The following FER variants were observed in gnomAD, a reference collection of about 807,000 sequenced individuals.
The protein encoded by FER is tyrosine-protein kinase Fer.
A neutral mutation model predicts 111.0 loss-of-function variants in FER; 63 were observed. That is an observed-to-expected ratio of 0.57 (90% CI 0.46 to 0.70). The LOEUF is 0.70. Ranked by LOEUF, FER falls within the 30% of genes least tolerant of loss-of-function variation. FER has a pLI of 0.00. For synonymous variants in FER, 327 were observed against 313.9 expected (o/e 1.04, Z -0.44); for missense variants, 914 against 954.0 (o/e 0.96, Z 0.55).
intron 17 of FER, among the ~76,000 whole-genome samples, chr5:109,153,418 T>A (rs1257435310): frequency 6.6e-6 from 1 of 151,870 alleles, no homozygotes; most frequent in East Asian, 1.9e-4. Context: ...AAATGCCTTA[T>A]TTTACAACAG....
chr5:108,897,737 A>G lies in FER; in HGVS notation c.1125A>G (p.Ala375=). 1 of 1,613,714 alleles carries G rather than the reference A, an allele frequency of 6.2e-7. No homozygotes were observed. Residue 375 remains alanine, a synonymous_variant, in exon 10 of 20, where the codon GCA becomes GCG. Coordinates refer to ENST00000281092, the MANE Select transcript of FER (RefSeq NM_005246.4). The part of the protein sequence containing the change: ...QSVQQLRCTE[A]KFSAQKELLE... Reference sequence around the variant, plus strand: ...TCCAGCAGCTGAGATGCACTGAAGCAAAGTTTTCAGCACAGAAGGAATTAC... The same window carrying G: ...TCCAGCAGCTGAGATGCACTGAAGCGAAGTTTTCAGCACAGAAGGAATTAC...
At chr5:109,182,836 C>G (rs1758420286) in intron 18 of FER, among the ~76,000 whole-genome samples, 1 of 152,244 alleles carries the variant, frequency 6.6e-6, no homozygotes, top group South Asian at 2.1e-4. Flanking sequence ...AAGGACAAGT[C>G]AAGTCTAAAG....
chr5:109,058,724 C>CTTTTTTTTTTTTT lies in FER; in HGVS notation c.1924+11540_1924+11552dup, dbSNP rs746184286. ...TCTTTTTCTTTTTCTTTCTTTCTTT[C>CTTTTTTTTTTTTT]TTTTTTTTTTTTTTTTTTTTTTTTT... On this transcript the variant is annotated intron_variant, in intron 16 of 19. Transcript: ENST00000281092. 1.5e-3 allele frequency among the ~76,000 whole-genome samples: 116 copies of CTTTTTTTTTTTTT among 76,250 alleles called. 6 individuals carry two copies. The highest frequency in any genetic ancestry group is 2.8e-3 in the African/African-American group (48 of 17,114). 50.0% of individuals were successfully genotyped at this position (76,250 alleles called of 152,430 possible). A position where few individuals can be genotyped will look rare whatever the true frequency, so the allele number is the denominator to read the frequency against.
rs1178206742 is a variant in FER at position 108,844,996 on chromosome 5, GTATATATATATATATATATATATATATA to G, written c.481+9206_481+9233del. 7.5e-3 allele frequency among the ~76,000 whole-genome samples: 219 copies of G among 29,296 alleles called. 7 individuals carry two copies. The highest frequency in any genetic ancestry group is 0.026 in the Admixed American group (44 of 1,668). 19.2% of individuals were successfully genotyped at this position (29,296 alleles called of 152,430 possible). A position where few individuals can be genotyped will look rare whatever the true frequency, so the allele number is the denominator to read the frequency against. Reference sequence around the variant, plus strand: ...TTGTTCATTGCTGGTGTGTGTGTGTGTATATATATATATATATATATATATATATATATATATATATATACATATATAT... The same window carrying G: ...TTGTTCATTGCTGGTGTGTGTGTGTGTATATATATATATATACATATATAT... On this transcript the variant is annotated intron_variant, in intron 5 of 19. Coordinates refer to ENST00000281092, the MANE Select transcript of FER (RefSeq NM_005246.4).
Position 109,147,796 on chromosome 5 carries a change from T to TAG in FER, c.2049-32950_2049-32949insGA, listed in dbSNP as rs1214557161. ...ACACACATACATATATATATATATA[T>TAG]ATATAGAGAGAGAGAGAGAGAGAGA... On this transcript the variant is annotated intron_variant, in intron 17 of 19. Coordinates refer to ENST00000281092, the MANE Select transcript of FER (RefSeq NM_005246.4). 9.0e-3 allele frequency among the ~76,000 whole-genome samples: 1,062 copies of TAG among 117,972 alleles called. 8 individuals carry two copies. The highest frequency in any genetic ancestry group is 0.025 in the African/African-American group (799 of 31,586). 77.4% of individuals were successfully genotyped at this position (117,972 alleles called of 152,430 possible). A position where few individuals can be genotyped will look rare whatever the true frequency, so the allele number is the denominator to read the frequency against.
chr5:109,079,828 C>A (rs1007113809), intron 16 of FER, among the ~76,000 whole-genome samples: 1 of 152,082 alleles, frequency 6.6e-6, no homozygotes. Context: ...ACATCATAGC[C>A]AAGCCAATGC....
chr5:108,842,424 C>A (rs1463606702), intron 5 of FER: 1 of 152,008 alleles, frequency 6.6e-6, no homozygotes, highest in Non-Finnish European at 1.5e-5. Context: ...AACTAAAGAG[C>A]TTTTGCACAG....
At chr5:109,000,501 G>T (rs1244522871) in intron 13 of FER, among the ~76,000 whole-genome samples, 1 of 151,784 alleles carries the variant, frequency 6.6e-6, no homozygotes, top group Non-Finnish European at 1.5e-5. Flanking sequence ...CACATTCAAA[G>T]CAGGGTGTAG....
At chr5:108,925,062 G>A (rs1399948606) in intron 10 of FER, among the ~76,000 whole-genome samples, 1 of 151,546 alleles carries the variant, frequency 6.6e-6, no homozygotes, top group Non-Finnish European at 1.5e-5. Context: ...AGAAAAATAT[G>A]TCCTTTCCAG....
At chr5:108,934,615 T>C (rs1755191405) in intron 10 of FER, among the ~76,000 whole-genome samples, 1 of 152,162 alleles carries the variant, frequency 6.6e-6, no homozygotes, top group South Asian at 2.1e-4. Context: ...CCACATGTGC[T>C]AATTACTGTG....
chr5:108,906,378 G>A lies in FER; in HGVS notation c.1236+8530G>A, dbSNP rs189114059. Among the ~76,000 whole-genome samples the A allele has an allele frequency of 6.4e-3, 968 of 152,076 alleles. 5 individuals carry two copies. The highest frequency in any genetic ancestry group is 9.7e-3 in the Non-Finnish European group (658 of 67,988). ...CAAACTATTAATTTTTAGATGATAGGTAAGCATGTTTGTGATCTACTCTTC... is the reference window on the plus strand; with the variant it reads ...CAAACTATTAATTTTTAGATGATAGATAAGCATGTTTGTGATCTACTCTTC... On this transcript the variant is annotated intron_variant, in intron 10 of 19. Coordinates refer to ENST00000281092, the MANE Select transcript of FER (RefSeq NM_005246.4).
intron 13 of FER, among the ~76,000 whole-genome samples, chr5:109,025,478 G>A (rs1251040474): frequency 1.3e-5 from 2 of 152,066 alleles, no homozygotes; most frequent in African/African-American, 4.8e-5. Context: ...TTTGTATCCT[G>A]AGACTTTGCT....
intron 1 of FER, among the ~76,000 whole-genome samples, chr5:108,766,252 A>C (rs1441015322): frequency 6.6e-6 from 1 of 152,214 alleles, no homozygotes; most frequent in African/African-American, 2.4e-5. Flanking sequence ...TTTTATATTT[A>C]AAAATAATTT....
At chr5:108,788,719 C>G (rs1483290501) in intron 2 of FER, among the ~76,000 whole-genome samples, 1 of 152,028 alleles carries the variant, frequency 6.6e-6, no homozygotes, top group African/African-American at 2.4e-5. Flanking sequence ...TCATCTGTCA[C>G]CTTTAAGTAA....
In FER at chr5:109,188,851, C is replaced by G. The variant is rs1002963103; in HGVS notation, c.*1276C>G. The G allele has an allele frequency of 1.2e-4, 18 of 152,064 alleles. No homozygotes were observed. The highest frequency in any genetic ancestry group is 4.1e-4 in the African/African-American group (17 of 41,392). The allele number at this position is 152,064 out of a possible 1,614,324, so 9.4% of individuals were successfully genotyped here. A position where few individuals can be genotyped will look rare whatever the true frequency, so the allele number is the denominator to read the frequency against. ...AAAATGTAATTTCCTTTATTTGTAC[C>G]AGTTTTTAGAGCTGTCAGAATTTCA... On this transcript the variant is annotated 3_prime_UTR_variant, in exon 20 of 20. Coordinates refer to ENST00000281092, the MANE Select transcript of FER (RefSeq NM_005246.4).
chr5:109,166,654 T>A (rs1756588161), intron 17 of FER, among the ~76,000 whole-genome samples: 1 of 152,214 alleles, frequency 6.6e-6, no homozygotes, highest in Admixed American at 6.6e-5. Context: ...GTCAACAGTT[T>A]GTGCTGGGCT....
intron 17 of FER, among the ~76,000 whole-genome samples, chr5:109,172,270 G>A (rs1310484554): frequency 6.6e-6 from 1 of 151,882 alleles, no homozygotes; most frequent in Non-Finnish European, 1.5e-5. Context: ...TTAAGAAAAT[G>A]TGGCACATAT....
At chr5:108,749,591 TCTC>T (rs1156919712) in intron 1 of FER, among the ~76,000 whole-genome samples, 5 of 152,138 alleles carry the variant, frequency 3.3e-5, no homozygotes, top group Non-Finnish European at 7.4e-5. Flanking sequence ...CCTCCCCAGC[TCTC>T]CTCCTATCTG....
intron 13 of FER, among the ~76,000 whole-genome samples, chr5:109,033,297 C>T (rs780054037): frequency 6.6e-6 from 1 of 152,222 alleles, no homozygotes; most frequent in South Asian, 2.1e-4. Context: ...AAGATAGAGA[C>T]CAGAAATATG....
Sources: gnomAD v4.1 joint callset for allele counts (sites outside exome capture counted in the v4.1 genomes callset) on GRCh38, gnomAD v4.1.1 for gene constraint, MANE v1.5 for transcripts, NCBI Gene and HGNC (gene_info 2026-07-23, HGNC 2026-07-21) for gene names.